GAS2: variants seen among roughly 807,000 people sequenced by gnomAD.
GAS2 encodes the protein growth arrest-specific protein 2.
A neutral mutation model predicts 37.5 loss-of-function variants in GAS2; 20 were observed. The ratio of observed to expected loss-of-function variants is 0.53; its 90% CI spans 0.37 to 0.77. GAS2 has a LOEUF of 0.77. GAS2 is among the 30% of genes least tolerant of loss of function. The pLI is 0.00. For synonymous variants in GAS2, 144 were observed against 132.2 expected, an observed-to-expected ratio of 1.09 and a Z score of -0.61; for missense variants, 336 against 373.4, an observed-to-expected ratio of 0.90 and a Z score of 0.82.
chr11:22,751,228 G>C (rs990280711), intron 6 of GAS2, among the ~76,000 whole-genome samples: 7 of 151,846 alleles, frequency 4.6e-5, no homozygotes, highest in African/African-American at 1.7e-4. Flanking sequence ...TTTTGATGTA[G>C]CCATTGTTGC....
chr11:22,652,082 T>G (rs550647757), intron 1 of GAS2, among the ~76,000 whole-genome samples: 1 of 152,354 alleles, frequency 6.6e-6, no homozygotes, highest in South Asian at 2.1e-4. Flanking sequence ...GATGGTGATG[T>G]ACAGATGGGT....
At chr11:22,712,527 T>A (rs1318345959) in intron 3 of GAS2, among the ~76,000 whole-genome samples, 1 of 152,198 alleles carries the variant, frequency 6.6e-6, no homozygotes, top group Non-Finnish European at 1.5e-5. Context: ...AGGATTACCC[T>A]GTGGGACAAA....
chr11:22,636,451 C>A (rs1858822501), intron 1 of GAS2, among the ~76,000 whole-genome samples: 1 of 152,108 alleles, frequency 6.6e-6, no homozygotes, highest in Non-Finnish European at 1.5e-5. Flanking sequence ...TACCACTTAC[C>A]CTCCCACATT....
At chr11:22,721,654 A>C (rs1436630824) in intron 3 of GAS2, among the ~76,000 whole-genome samples, 1 of 152,106 alleles carries the variant, frequency 6.6e-6, no homozygotes, top group Non-Finnish European at 1.5e-5. Flanking sequence ...TAAATGCTTA[A>C]AAGTTCAACT....
intron 1 of GAS2, among the ~76,000 whole-genome samples, chr11:22,653,677 C>G (rs183273754): frequency 6.6e-6 from 1 of 152,158 alleles, no homozygotes; most frequent in Non-Finnish European, 1.5e-5. Flanking sequence ...AAGACCTAGT[C>G]TAAGAGAAAA....
At chr11:22,723,996 A>G (rs543895808) in intron 3 of GAS2, among the ~76,000 whole-genome samples, 1 of 152,026 alleles carries the variant, frequency 6.6e-6, no homozygotes, top group South Asian at 2.1e-4. Flanking sequence ...TGATACATCA[A>G]TCAATTCCCT....
chr11:22,770,125 C>A (rs747610568), intron 7 of GAS2, among the ~76,000 whole-genome samples: 10 of 152,094 alleles, frequency 6.6e-5, no homozygotes, highest in Non-Finnish European at 1.0e-4. Flanking sequence ...GGCAGGGGAA[C>A]AACACACACT....
chr11:22,737,615 C>T, intron 4 of GAS2, 90 bp from the exon 5 acceptor site: 1 of 1,156,966 alleles, frequency 8.6e-7, no homozygotes, highest in South Asian at 1.2e-5. Context: ...TTCCTGGGAG[C>T]ACGAGGAATG....
chr11:22,670,545 C>T (rs1156332279), intron 1 of GAS2, among the ~76,000 whole-genome samples: 1 of 152,078 alleles, frequency 6.6e-6, no homozygotes, highest in East Asian at 1.9e-4. Flanking sequence ...CACAGAATTG[C>T]TTTCCGTTTT....
intron 3 of GAS2, among the ~76,000 whole-genome samples, chr11:22,700,626 A>G (rs541549731): frequency 6.6e-6 from 1 of 152,308 alleles, no homozygotes; most frequent in African/African-American, 2.4e-5. Context: ...TTATATAGTG[A>G]CATGATGTAT....
chr11:22,688,610 A>G (rs1850084027), intron 3 of GAS2, among the ~76,000 whole-genome samples: 1 of 152,212 alleles, frequency 6.6e-6, no homozygotes, highest in Non-Finnish European at 1.5e-5. Flanking sequence ...TAATTTTTAT[A>G]ATAAAACTAT....
chr11:22,704,588 CATATATATATATATATATAT>C lies in GAS2; in HGVS notation c.267+18816_267+18835del, dbSNP rs3049395. Among the ~76,000 whole-genome samples the C allele has an allele frequency of 2.1e-4, 19 of 90,506 alleles. No homozygotes were observed. The South Asian group carries it at 3.9e-3, about 18-fold the overall frequency. The allele number at this position is 90,506 out of a possible 152,430, so 59.4% of individuals were successfully genotyped here. Reference sequence around the variant, plus strand: ...TCAATTAGAAGCCAGTGAAAATAAACATATATATATATATATATATATATATATATATATATTTTGCTCAT... The same window carrying C: ...TCAATTAGAAGCCAGTGAAAATAAACATATATATATATATATTTTGCTCAT... On this transcript the variant is annotated intron_variant, in intron 3 of 7. Transcript: ENST00000454584.
chr11:22,699,808 T>C (rs1850737552), intron 3 of GAS2, among the ~76,000 whole-genome samples: 1 of 152,166 alleles, frequency 6.6e-6, no homozygotes, highest in Non-Finnish European at 1.5e-5. Context: ...CTCATTAACA[T>C]TTAGCTGTTA....
intron 3 of GAS2, among the ~76,000 whole-genome samples, chr11:22,714,384 C>A (rs901987273): frequency 6.6e-6 from 1 of 151,924 alleles, no homozygotes; most frequent in East Asian, 1.9e-4. Flanking sequence ...AAACAATTAC[C>A]GCTACACATA....
chr11:22,699,121 G>C (rs1850696259), intron 3 of GAS2, among the ~76,000 whole-genome samples: 1 of 152,004 alleles, frequency 6.6e-6, no homozygotes, highest in Non-Finnish European at 1.5e-5. Context: ...TCCATTATCG[G>C]TCTCAACACC....
chr11:22,716,216 C>A (rs895932576), intron 3 of GAS2, among the ~76,000 whole-genome samples: 2 of 152,104 alleles, frequency 1.3e-5, no homozygotes, highest in Middle Eastern at 3.2e-3. Flanking sequence ...CCATCTATGA[C>A]AAACATACTG....
intron 7 of GAS2, among the ~76,000 whole-genome samples, chr11:22,760,135 TA>T (rs1854293922): frequency 8.9e-6 from 1 of 111,978 alleles, no homozygotes; most frequent in Non-Finnish European, 2.2e-5. Context: ...TTTTAATTTT[TA>T]ATTTTTTTTT....
At chr11:22,653,982 T>C (rs184946006) in intron 1 of GAS2, among the ~76,000 whole-genome samples, 16 of 152,330 alleles carry the variant, frequency 1.1e-4, no homozygotes, top group African/African-American at 3.6e-4. Context: ...GAAGGCTCAG[T>C]CATCCCACAC....
At chr11:22,656,631 A>G (rs778214556) in intron 1 of GAS2, among the ~76,000 whole-genome samples, 4 of 152,272 alleles carry the variant, frequency 2.6e-5, no homozygotes, top group Non-Finnish European at 5.9e-5. Context: ...CAGCATTAAC[A>G]TATAAAAATC....
Sources: gnomAD v4.1 joint callset for allele counts (sites outside exome capture counted in the v4.1 genomes callset) on GRCh38, gnomAD v4.1.1 for gene constraint, MANE v1.5 for transcripts, NCBI Gene and HGNC (gene_info 2026-07-23, HGNC 2026-07-21) for gene names.